The following ST8SIA4 variants were observed in gnomAD, a reference collection of about 807,000 sequenced individuals.
ST8SIA4 encodes ST8 alpha-N-acetyl-neuraminide alpha-2,8-sialyltransferase 4.
A neutral mutation model predicts 33.9 loss-of-function variants in ST8SIA4; 15 were observed. The observed-to-expected ratio is 0.44, with a 90% CI of 0.30 to 0.68. The LOEUF (loss-of-function observed/expected upper bound fraction) is 0.68. Ranked by LOEUF, ST8SIA4 falls within the 30% of genes least tolerant of loss-of-function variation. The pLI is 0.10. For synonymous variants in ST8SIA4, 171 were observed against 151.2 expected (o/e 1.13, Z -0.96); for missense variants, 321 against 428.0 (o/e 0.75, Z 2.21).
chr5:100,880,386 G>A (rs756956937), intron 3 of ST8SIA4, among the ~76,000 whole-genome samples: 29 of 152,272 alleles, frequency 1.9e-4, no homozygotes, highest in Non-Finnish European at 4.1e-4. Flanking sequence ...AGTCAGAGAA[G>A]ACTTGCAGAG....
At chr5:100,884,242 A>G (rs1384948948) in intron 3 of ST8SIA4, among the ~76,000 whole-genome samples, 1 of 152,224 alleles carries the variant, frequency 6.6e-6, no homozygotes, top group Non-Finnish European at 1.5e-5. Context: ...AAGAGAAAAT[A>G]TATGTACAAT....
At chr5:100,855,656 C>T (rs1011863976) in intron 4 of ST8SIA4, among the ~76,000 whole-genome samples, 10 of 152,238 alleles carry the variant, frequency 6.6e-5, no homozygotes, top group East Asian at 5.8e-4. Context: ...GGCATTTTAT[C>T]GCAGCCAGCC....
chr5:100,863,828 A>G (rs1420963834), intron 3 of ST8SIA4, among the ~76,000 whole-genome samples: 1 of 152,242 alleles, frequency 6.6e-6, no homozygotes, highest in African/African-American at 2.4e-5. Flanking sequence ...ACATAAAATT[A>G]GAGAGTTATC....
chr5:100,872,832 C>T (rs1193253318), intron 3 of ST8SIA4, among the ~76,000 whole-genome samples: 1 of 150,072 alleles, frequency 6.7e-6, no homozygotes, highest in Non-Finnish European at 1.5e-5. Flanking sequence ...TATTGACCAA[C>T]CTCAGTGTAC....
rs778202374 is a variant in ST8SIA4 at position 100,856,191 on chromosome 5, C to T, written c.709G>A (p.Val237Met). The T allele has an allele frequency of 1.2e-5, 19 of 1,613,994 alleles. No individual in the cohort carries two copies. The highest frequency in any genetic ancestry group is 1.0e-4 in the Admixed American group (6 of 60,002). The change falls in exon 4 of 5, where the codon GTG becomes ATG. Residue 237 changes from valine to methionine, a missense_variant. Physicochemically the swap from Val to Met is conservative, Grantham distance 21. Coordinates refer to ENST00000231461, the MANE Select transcript of ST8SIA4 (RefSeq NM_005668.6). Reference sequence around the variant, plus strand: ...AGGATTAATGCATTAACCCACTCCACGTGCTTCTCTCCTCCTTTGACCATG... The same window carrying T: ...AGGATTAATGCATTAACCCACTCCATGTGCTTCTCTCCTCCTTTGACCATG... Reference protein sequence around the residue: ...AFMVKGGEKHVEWVNALILKN... With the variant: ...AFMVKGGEKHMEWVNALILKN...
chr5:100,837,834 G>A (rs950157796), intron 4 of ST8SIA4, among the ~76,000 whole-genome samples: 6 of 151,884 alleles, frequency 4.0e-5, no homozygotes, highest in East Asian at 1.9e-4. Context: ...AACTCATGCC[G>A]AAAGATGTAT....
At chr5:100,843,760 G>A (rs948402449) in intron 4 of ST8SIA4, among the ~76,000 whole-genome samples, 29 of 151,924 alleles carry the variant, frequency 1.9e-4, no homozygotes, top group Non-Finnish European at 3.8e-4. Flanking sequence ...CAGCCATACT[G>A]TTGCTCCAAC....
chr5:100,896,862 T>C (rs1448537842), intron 1 of ST8SIA4, among the ~76,000 whole-genome samples: 1 of 152,158 alleles, frequency 6.6e-6, no homozygotes, highest in Admixed American at 6.5e-5. Context: ...ATATGCATAA[T>C]AGAAGGGGAT....
intron 4 of ST8SIA4, among the ~76,000 whole-genome samples, chr5:100,823,860 C>A (rs567723380): frequency 2.0e-5 from 3 of 152,128 alleles, no homozygotes; most frequent in Non-Finnish European, 4.4e-5. Context: ...TTCTTTCTAT[C>A]GAACTGGTGT....
At chr5:100,826,417 T>G (rs964276913) in intron 4 of ST8SIA4, among the ~76,000 whole-genome samples, 7 of 152,148 alleles carry the variant, frequency 4.6e-5, no homozygotes, top group African/African-American at 1.7e-4. Context: ...ATGTAAAACA[T>G]TATTCATAAT....
intron 4 of ST8SIA4, among the ~76,000 whole-genome samples, chr5:100,842,400 C>G (rs1442429779): frequency 1.3e-5 from 2 of 151,716 alleles, no homozygotes; most frequent in African/African-American, 2.4e-5. Flanking sequence ...TTGATTATAG[C>G]ACAGATGGAT....
At chr5:100,871,811 A>T (rs1752202428) in intron 3 of ST8SIA4, among the ~76,000 whole-genome samples, 2 of 152,104 alleles carry the variant, frequency 1.3e-5, no homozygotes, top group South Asian at 2.1e-4. Context: ...TGAGAAAATC[A>T]CTCTGCTGTT....
chr5:100,843,101 T>C (rs538703817), intron 4 of ST8SIA4, among the ~76,000 whole-genome samples: 55 of 152,034 alleles, frequency 3.6e-4, no homozygotes, highest in Non-Finnish European at 7.4e-4. Context: ...CCATATAAGC[T>C]ATTTACCTAA....
chr5:100,881,277 G>A (rs1180412724), intron 3 of ST8SIA4, among the ~76,000 whole-genome samples: 2 of 152,152 alleles, frequency 1.3e-5, no homozygotes, highest in African/African-American at 4.8e-5. Flanking sequence ...ACAAAGTATA[G>A]AGATAAGTCT....
At chr5:100,819,434 C>A (rs1479559279) in intron 4 of ST8SIA4, among the ~76,000 whole-genome samples, 1 of 152,116 alleles carries the variant, frequency 6.6e-6, no homozygotes, top group Admixed American at 6.5e-5. Flanking sequence ...GTAGGAACTA[C>A]CCATTTAGAC....
chr5:100,862,248 G>T (rs184615318), intron 3 of ST8SIA4, among the ~76,000 whole-genome samples: 117 of 152,192 alleles, frequency 7.7e-4, no homozygotes, highest in African/African-American at 2.7e-3. Flanking sequence ...ATGGTCAATT[G>T]TACTTAAAAA....
At chr5:100,819,872 T>A (rs1301651718) in intron 4 of ST8SIA4, among the ~76,000 whole-genome samples, 2 of 152,224 alleles carry the variant, frequency 1.3e-5, no homozygotes, top group African/African-American at 4.8e-5. Context: ...ATGATGGTTT[T>A]ATTTTTAACT....
intron 1 of ST8SIA4, chr5:100,900,359 C>T (rs1752876945): frequency 6.6e-6 from 3 of 454,192 alleles, no homozygotes; most frequent in South Asian, 1.6e-5. Context: ...ACCTCCATTC[C>T]AGTTTACTCA....
At chr5:100,885,102 G>A (rs940682439) in intron 3 of ST8SIA4, among the ~76,000 whole-genome samples, 23 of 149,792 alleles carry the variant, frequency 1.5e-4, no homozygotes, top group African/African-American at 5.1e-4. Context: ...CATAGACTTC[G>A]ACATTTGAAG....
Sources: allele counts gnomAD v4.1 joint callset (sites outside exome capture counted in the v4.1 genomes callset), GRCh38; gene constraint gnomAD v4.1.1; transcripts MANE v1.5; gene names NCBI Gene and HGNC (gene_info 2026-07-23, HGNC 2026-07-21).